ZEB1: variants seen among roughly 807,000 people sequenced by gnomAD.
ZEB1 encodes the protein zinc finger E-box-binding homeobox 1.
A neutral mutation model predicts 84.9 loss-of-function variants in ZEB1; 21 were observed. The ratio of observed to expected loss-of-function variants is 0.25; its 90% confidence interval spans 0.18 to 0.36. ZEB1 has a LOEUF of 0.36. Ranked by LOEUF, ZEB1 falls within the 10% of genes least tolerant of loss-of-function variation. The pLI, the probability that ZEB1 is intolerant of heterozygous loss-of-function variation, is 1.00. For synonymous variants in ZEB1, 420 were observed against 471.1 expected, an observed-to-expected ratio of 0.89 and a Z score of 1.41; for missense variants, 1,104 against 1,330.2, an observed-to-expected ratio of 0.83 and a Z score of 2.65.
intron 1 of ZEB1, among the ~76,000 whole-genome samples, chr10:31,411,671 G>C (rs200534551): frequency 6.8e-6 from 1 of 146,416 alleles, no homozygotes; most frequent in African/African-American, 2.5e-5. Context: ...CATTAGGAGA[G>C]AAATTTATAG....
chr10:31,422,955 G>A (rs1399258733), intron 1 of ZEB1, among the ~76,000 whole-genome samples: 1 of 151,946 alleles, frequency 6.6e-6, no homozygotes, highest in Non-Finnish European at 1.5e-5. Flanking sequence ...ATTTGCTTAG[G>A]ATGACAGACT....
At chr10:31,487,494 T>C (rs2065899775) in intron 2 of ZEB1, among the ~76,000 whole-genome samples, 3 of 151,488 alleles carry the variant, frequency 2.0e-5, no homozygotes, top group Non-Finnish European at 4.4e-5. Flanking sequence ...CACCTATATA[T>C]TTCTTCTTTG....
chr10:31,469,904 C>G (rs563888584), intron 2 of ZEB1, among the ~76,000 whole-genome samples: 18 of 152,278 alleles, frequency 1.2e-4, no homozygotes, highest in Non-Finnish European at 2.5e-4. Context: ...GGTCCCTGAC[C>G]CCTAACCCCC....
intron 1 of ZEB1, among the ~76,000 whole-genome samples, chr10:31,327,168 A>T (rs1385783727): frequency 2.8e-5 from 4 of 143,588 alleles, no homozygotes; most frequent in Non-Finnish European, 6.0e-5. Flanking sequence ...TGGAGTGTAA[A>T]GGCGCGATAT....
intron 1 of ZEB1, among the ~76,000 whole-genome samples, chr10:31,410,105 T>G (rs765365381): frequency 4.1e-4 from 62 of 152,222 alleles, no homozygotes; most frequent in Non-Finnish European, 8.5e-4. Context: ...AAGGGAATGC[T>G]TCTAGCTTTT....
intron 1 of ZEB1, chr10:31,319,723 C>T (rs1329139694): frequency 1.2e-5 from 2 of 167,000 alleles, no homozygotes; most frequent in Admixed American, 6.4e-5. Context: ...CTCCTCCTGG[C>T]CCCCTCAGCG....
intron 1 of ZEB1, among the ~76,000 whole-genome samples, chr10:31,438,521 C>G (rs951879909): frequency 6.6e-6 from 1 of 152,066 alleles, no homozygotes; most frequent in Non-Finnish European, 1.5e-5. Context: ...ACCGTGATAA[C>G]AAATTCAAAT....
At chr10:31,321,272 T>C in intron 1 of ZEB1, 1 of 1,326,538 alleles carries the variant, frequency 7.5e-7, no homozygotes, top group Non-Finnish European at 9.7e-7. Context: ...TTCCAATCCA[T>C]AATTATATTT....
chr10:31,330,963 C>A (rs929084610), intron 1 of ZEB1, among the ~76,000 whole-genome samples: 1 of 151,290 alleles, frequency 6.6e-6, no homozygotes, highest in Non-Finnish European at 1.5e-5. Flanking sequence ...CTGTCTTGAA[C>A]GTTCTGTATA....
In ZEB1 at chr10:31,330,685, C is replaced by G. The variant is rs192334837; in HGVS notation, c.58+11393C>G. Among the ~76,000 whole-genome samples, 145 of 152,266 alleles carry G rather than the reference C, an allele frequency of 9.5e-4. 1 individual carries two copies. Among genetic ancestry groups the G allele is most frequent in the Admixed American group, 9.2e-3 (140 of 15,298 alleles). On this transcript the variant is annotated intron_variant, in intron 1 of 8. Transcript: ENST00000424869. ...TTTTTGGCTACATATTTTACCTCCTCACTTTGTTATAGCTAAAGAAAAAGT... is the reference window on the plus strand; with the variant it reads ...TTTTTGGCTACATATTTTACCTCCTGACTTTGTTATAGCTAAAGAAAAAGT...
At chr10:31,420,827 A>C (rs932892625) in intron 1 of ZEB1, among the ~76,000 whole-genome samples, 5 of 152,238 alleles carry the variant, frequency 3.3e-5, no homozygotes, top group African/African-American at 1.2e-4. Context: ...CCAACAAGTG[A>C]TGCTTGTCTC....
rs116856630 is a variant in ZEB1, at chr10:31,491,214, C to G, written c.260-4562C>G. On this transcript the variant is annotated intron_variant, in intron 2 of 8. Transcript: ENST00000424869. ...CTGGGACTTTATTTACCCTACTTTG[C>G]CACATGCTTCCTGCATCTATGCCTG... Among the ~76,000 whole-genome samples, 7 of 151,820 alleles carry G rather than the reference C, an allele frequency of 4.6e-5. No homozygotes were observed. In the East Asian group the frequency reaches 1.2e-3, roughly 25 times the overall value.
chr10:31,458,312 C>T (rs1024422983), intron 1 of ZEB1, among the ~76,000 whole-genome samples: 6 of 123,116 alleles, frequency 4.9e-5, no homozygotes, highest in Non-Finnish European at 9.2e-5. Flanking sequence ...ATCTCCATTC[C>T]GTGTGTGTGT....
chr10:31,452,307 A>G (rs993105092), intron 1 of ZEB1, among the ~76,000 whole-genome samples: 16 of 152,132 alleles, frequency 1.1e-4, no homozygotes, highest in Non-Finnish European at 2.2e-4. Flanking sequence ...ACATTTGTAT[A>G]TTACATTATA....
intron 1 of ZEB1, chr10:31,321,441 G>A: frequency 1.9e-6 from 3 of 1,613,896 alleles, no homozygotes; most frequent in Non-Finnish European, 2.5e-6. Flanking sequence ...TGGAGCATAG[G>A]CTATTGCAAT....
chr10:31,524,731 TA>T (rs1401383766), intron 8 of ZEB1, among the ~76,000 whole-genome samples: 2 of 152,202 alleles, frequency 1.3e-5, no homozygotes, highest in African/African-American at 4.8e-5. Flanking sequence ...TAGTACATAG[TA>T]CCCATTAATA....
chr10:31,329,826 A>G lies in ZEB1; in HGVS notation c.58+10534A>G, dbSNP rs554692037. On this transcript the variant is annotated intron_variant, in intron 1 of 8. Transcript: ENST00000424869. ...TGTTTGAAGATCTTTTGGTGTATGT[A>G]TTGGCCACTTGTATATTTTCCTTTG... Among the ~76,000 whole-genome samples, 7 of 152,238 alleles carry G rather than the reference A, an allele frequency of 4.6e-5. No homozygotes were observed. In the South Asian group the frequency reaches 1.4e-3, roughly 31 times the overall value.
intron 2 of ZEB1, among the ~76,000 whole-genome samples, chr10:31,461,668 A>C (rs2061837706): frequency 1.3e-5 from 2 of 152,138 alleles, no homozygotes; most frequent in Non-Finnish European, 2.9e-5. Context: ...CTATACATAC[A>C]TCAGAATCCT....
rs773080897 is a variant in ZEB1 at position 31,521,555 on chromosome 10, A to T, written c.2223A>T (p.Pro741=). The change falls in exon 7 of 9, where the codon CCA becomes CCT. Residue 741 remains proline, a synonymous_variant. Transcript: ENST00000424869. ...PQVEPLDLSL[P]KQQGELLERS... ...TAGAACCTCTTGATCTTTCACTACC[A>T]AAGCAACAGGGAGAATTATTAGAAA... The T allele has an allele frequency of 5.0e-6, 8 of 1,614,010 alleles. No individual in the cohort carries two copies. The highest frequency in any genetic ancestry group is 6.8e-6 in the Non-Finnish European group (8 of 1,180,014).
Sources: allele counts gnomAD v4.1 joint callset (sites outside exome capture counted in the v4.1 genomes callset), GRCh38; gene constraint gnomAD v4.1.1; transcripts MANE v1.5; gene names NCBI Gene and HGNC (gene_info 2026-07-23, HGNC 2026-07-21).